NOL4: variants seen among roughly 807,000 people sequenced by gnomAD.
NOL4 encodes nucleolar protein 4.
Under a neutral mutation model 75.9 loss-of-function variants are expected in NOL4, and 17 were observed. That is an observed-to-expected ratio of 0.22 (90% CI 0.15 to 0.34). The LOEUF is 0.34. Among genes scored for constraint, NOL4 ranks in the 10% least tolerant of loss-of-function variants. NOL4 has a pLI of 1.00. For synonymous variants in NOL4, 292 were observed against 289.9 expected (o/e 1.01, Z -0.07); for missense variants, 614 against 793.5 (o/e 0.77, Z 2.72).
At chr18:34,044,524 G>A (rs898142628) in intron 5 of NOL4, among the ~76,000 whole-genome samples, 3 of 151,976 alleles carry the variant, frequency 2.0e-5, no homozygotes, top group Non-Finnish European at 4.4e-5. Context: ...TACTTTAAAT[G>A]AAAAATACAT....
chr18:34,062,532 G>A (rs1391839670), intron 5 of NOL4, among the ~76,000 whole-genome samples: 1 of 152,054 alleles, frequency 6.6e-6, no homozygotes, highest in Non-Finnish European at 1.5e-5. Flanking sequence ...TGTATAACAT[G>A]CAGCAGCAAT....
At chr18:33,914,836 A>C (rs1297259432) in intron 9 of NOL4, among the ~76,000 whole-genome samples, 1 of 152,100 alleles carries the variant, frequency 6.6e-6, no homozygotes, top group Non-Finnish European at 1.5e-5. Context: ...ACTCCATTTA[A>C]CATCCATCCA....
At chr18:34,146,810 A>T (rs765570012) in intron 1 of NOL4, among the ~76,000 whole-genome samples, 15 of 152,192 alleles carry the variant, frequency 9.9e-5, no homozygotes, top group Admixed American at 7.9e-4. Flanking sequence ...TACTTTCGGC[A>T]GTATGGCCAC....
At chr18:34,048,251 A>T (rs1410144299) in intron 5 of NOL4, among the ~76,000 whole-genome samples, 1 of 152,156 alleles carries the variant, frequency 6.6e-6, no homozygotes, top group Non-Finnish European at 1.5e-5. Flanking sequence ...ATGGATATTT[A>T]AAAAGTACCT....
intron 2 of NOL4, among the ~76,000 whole-genome samples, chr18:34,108,083 T>C (rs2079397355): frequency 6.6e-6 from 1 of 152,152 alleles, no homozygotes; most frequent in Non-Finnish European, 1.5e-5. Flanking sequence ...GGCCCTCCAT[T>C]ACACTCGAGG....
rs1293690952 is a variant in NOL4 at position 33,934,561 on chromosome 18, C to T, written c.1542+8504G>A. 2.0e-5 allele frequency among the ~76,000 whole-genome samples: 3 copies of T among 152,142 alleles called. No individual in the cohort carries two copies. In the East Asian group the frequency reaches 5.8e-4, roughly 29 times the overall value. ...TTAGCTGGATCTTCTGGACAACTTG[C>T]TGCATTTTCTACCTCAGCACTTGCT... On this transcript the variant is annotated intron_variant, in intron 9 of 10. Coordinates refer to ENST00000261592, the MANE Select transcript of NOL4 (RefSeq NM_003787.5).
intron 1 of NOL4, among the ~76,000 whole-genome samples, chr18:34,135,877 C>G (rs2080870670): frequency 2.6e-5 from 4 of 151,704 alleles, no homozygotes; most frequent in Admixed American, 2.0e-4. Flanking sequence ...TCAAATATAT[C>G]ACAGGATAAA....
At chr18:34,146,924 AG>A (rs1158530741) in intron 1 of NOL4, among the ~76,000 whole-genome samples, 1 of 152,036 alleles carries the variant, frequency 6.6e-6, no homozygotes, top group African/African-American at 2.4e-5. Context: ...CTCCTTGAAG[AG>A]GTCCTTCACA....
At chr18:33,932,560 A>C (rs2067770304) in intron 9 of NOL4, among the ~76,000 whole-genome samples, 1 of 152,136 alleles carries the variant, frequency 6.6e-6, no homozygotes, top group African/African-American at 2.4e-5. Context: ...TTTCATATGC[A>C]AATTATGATA....
intron 5 of NOL4, among the ~76,000 whole-genome samples, chr18:34,090,597 T>C (rs914092003): frequency 3.3e-5 from 5 of 150,882 alleles, no homozygotes; most frequent in South Asian, 2.1e-4. Flanking sequence ...CTGGCATCTA[T>C]AGAATAGAAC....
chr18:34,000,462 G>T (rs1163574727), intron 6 of NOL4, among the ~76,000 whole-genome samples: 1 of 151,996 alleles, frequency 6.6e-6, no homozygotes, highest in Non-Finnish European at 1.5e-5. Context: ...ATAGAGTAAG[G>T]AAATTTAAAC....
intron 6 of NOL4, among the ~76,000 whole-genome samples, chr18:34,014,735 A>G (rs1346447495): frequency 6.6e-6 from 1 of 151,982 alleles, no homozygotes; most frequent in African/African-American, 2.4e-5. Context: ...TAGAAAATAA[A>G]TATCACCTAA....
chr18:34,003,160 G>C (rs756425486), intron 6 of NOL4, among the ~76,000 whole-genome samples: 4 of 152,030 alleles, frequency 2.6e-5, no homozygotes, highest in Admixed American at 6.6e-5. Flanking sequence ...TTAAGAACAA[G>C]CATTAAAGTA....
At chr18:33,915,159 A>G (rs1386007158) in intron 9 of NOL4, among the ~76,000 whole-genome samples, 1 of 152,160 alleles carries the variant, frequency 6.6e-6, no homozygotes, top group Non-Finnish European at 1.5e-5. Context: ...AATGCCCCTG[A>G]TAGTGCAAGT....
At chr18:34,034,691 G>A (rs1338354928) in intron 5 of NOL4, among the ~76,000 whole-genome samples, 1 of 152,066 alleles carries the variant, frequency 6.6e-6, no homozygotes, top group Non-Finnish European at 1.5e-5. Context: ...AGTGAGTGGA[G>A]ATTGCGCCAC....
At chr18:34,070,873 CTT>C (rs1171815085) in intron 5 of NOL4, among the ~76,000 whole-genome samples, 1 of 151,964 alleles carries the variant, frequency 6.6e-6, no homozygotes, top group Non-Finnish European at 1.5e-5. Context: ...AAACATGAAT[CTT>C]ATAATTTATG....
intron 1 of NOL4, among the ~76,000 whole-genome samples, chr18:34,201,783 C>A (rs2035760908): frequency 6.6e-6 from 1 of 151,728 alleles, no homozygotes; most frequent in Non-Finnish European, 1.5e-5. Context: ...TTTAAAATAT[C>A]TGTAAATTTT....
chr18:33,859,289 T>C (rs1405761961), intron 10 of NOL4, among the ~76,000 whole-genome samples: 1 of 152,178 alleles, frequency 6.6e-6, no homozygotes, highest in Non-Finnish European at 1.5e-5. Context: ...TATAAATAGT[T>C]ATCAACACAA....
At chr18:33,865,218 T>C (rs918788075) in intron 10 of NOL4, among the ~76,000 whole-genome samples, 7 of 152,266 alleles carry the variant, frequency 4.6e-5, no homozygotes, top group East Asian at 1.9e-4. Flanking sequence ...GGGTCCAGGA[T>C]ACCAAAATCC....
Sources: allele counts gnomAD v4.1 joint callset (sites outside exome capture counted in the v4.1 genomes callset), GRCh38; gene constraint gnomAD v4.1.1; transcripts MANE v1.5; gene names NCBI Gene and HGNC (gene_info 2026-07-23, HGNC 2026-07-21).